The following CEP192 variants were observed in gnomAD, a reference collection of about 807,000 sequenced individuals.
The protein encoded by CEP192 is centrosomal protein 192.
A neutral mutation model predicts 271.8 loss-of-function variants in CEP192; 151 were observed. That is an observed-to-expected ratio of 0.56 (90% CI 0.49 to 0.64). CEP192 has a LOEUF of 0.64. Ranked by LOEUF, CEP192 falls within the 30% of genes least tolerant of loss-of-function variation. The pLI is 0.00. For missense variants in CEP192, 2,910 were observed against 3,020.5 expected (o/e 0.96, Z 0.86); for synonymous variants, 995 against 1,076.5 (o/e 0.92, Z 1.48).
chr18:13,096,249 C>G lies in CEP192; in HGVS notation c.6499C>G (p.Leu2167Val). 1 of 1,614,168 alleles carries G rather than the reference C, an allele frequency of 6.2e-7. No homozygotes were observed. Among genetic ancestry groups the G allele is most frequent in the Non-Finnish European group, 8.5e-7 (1 of 1,179,994 alleles). ...NNSVRLLRFE[L>V]CWPAHCLTVT... ...CTCTGTGAGGTTACTGAGATTTGAGCTGTGCTGGCCAGCGCATTGCCTCAC... is the reference window on the plus strand; with the variant it reads ...CTCTGTGAGGTTACTGAGATTTGAGGTGTGCTGGCCAGCGCATTGCCTCAC... The change falls in exon 36 of 45, where the codon CTG becomes GTG. Residue 2167 changes from leucine to valine, a missense_variant. Coordinates refer to ENST00000506447, the MANE Select transcript of CEP192 (RefSeq NM_032142.4).
rs574312145 is a variant in CEP192 at position 13,114,323 on chromosome 18, C to T, written c.7289+72C>T. 35 of 1,506,452 alleles carry T rather than the reference C, an allele frequency of 2.3e-5. No homozygotes were observed. The African/African-American group carries it at 2.5e-4, about 11-fold the overall frequency. 93.3% of individuals were successfully genotyped at this position (1,506,452 alleles called of 1,614,324 possible). On this transcript the variant is annotated intron_variant, in intron 42 of 44. Transcript: ENST00000506447. The stretch of plus-strand genomic sequence containing the variant: ...TGAGGAATAGAGTCAGTAAAATGCT[C>T]GATGACTTTACCTGAGTTCACATGT...
At chr18:13,034,767 C>T (rs1436887739) in intron 11 of CEP192, among the ~76,000 whole-genome samples, 3 of 148,974 alleles carry the variant, frequency 2.0e-5, no homozygotes, top group Admixed American at 6.8e-5. Flanking sequence ...TGCAGTGAGC[C>T]GAGATTGCAC....
intron 4 of CEP192, among the ~76,000 whole-genome samples, chr18:13,010,493 AT>A (rs2034275732): frequency 6.6e-6 from 1 of 152,220 alleles, no homozygotes; most frequent in Non-Finnish European, 1.5e-5. Flanking sequence ...AAAGAAAAAA[AT>A]AGATGAATTG....
At chr18:12,995,445 C>T (rs1323780266) in intron 1 of CEP192, among the ~76,000 whole-genome samples, 1 of 152,162 alleles carries the variant, frequency 6.6e-6, no homozygotes, top group Non-Finnish European at 1.5e-5. Flanking sequence ...AATGCTGGGG[C>T]ATGATCTGAG....
At chr18:13,037,920 CT>C (rs1304002125) in intron 12 of CEP192, among the ~76,000 whole-genome samples, 2 of 151,902 alleles carry the variant, frequency 1.3e-5, no homozygotes, top group Non-Finnish European at 2.9e-5. Flanking sequence ...TATGAAGATT[CT>C]TATTTATGAC....
chr18:13,100,614 A>G (rs1393236888), intron 38 of CEP192, 102 bp downstream of exon 38: 1 of 885,806 alleles, frequency 1.1e-6, no homozygotes, highest in Non-Finnish European at 1.7e-6. Flanking sequence ...ATTTCCTCCT[A>G]CTTCAGGAGA....
intron 18 of CEP192, 91 bp downstream of exon 18, chr18:13,053,181 A>C (rs2036896528): frequency 9.4e-7 from 1 of 1,062,290 alleles, no homozygotes. Flanking sequence ...TCAAGCCTAT[A>C]TAACTTCAGT....
At chr18:13,005,690 T>C (rs1599041008) in intron 3 of CEP192, among the ~76,000 whole-genome samples, 1 of 152,192 alleles carries the variant, frequency 6.6e-6, no homozygotes, top group African/African-American at 2.4e-5. Context: ...GGTCTGAGTA[T>C]AGGGCTTCCT....
At chr18:13,064,952 T>G (rs1476457759) in intron 21 of CEP192, among the ~76,000 whole-genome samples, 2 of 152,200 alleles carry the variant, frequency 1.3e-5, no homozygotes, top group African/African-American at 4.8e-5. Context: ...TCTTCAATTT[T>G]CTTCATCAGT....
intron 40 of CEP192, among the ~76,000 whole-genome samples, chr18:13,107,444 G>C (rs960224946): frequency 9.9e-5 from 15 of 152,208 alleles, no homozygotes; most frequent in Admixed American, 5.9e-4. Flanking sequence ...GAAAGCACTT[G>C]ATGTCCCTCT....
chr18:13,071,538 T>A (rs966430227), intron 28 of CEP192, among the ~76,000 whole-genome samples: 8 of 152,190 alleles, frequency 5.3e-5, no homozygotes, highest in Admixed American at 3.9e-4. Context: ...ATGCAGTACA[T>A]CCATTCTTCT....
intron 30 of CEP192, among the ~76,000 whole-genome samples, chr18:13,081,780 G>A (rs1212908519): frequency 6.6e-6 from 1 of 152,292 alleles, no homozygotes; most frequent in South Asian, 2.1e-4. Context: ...ATTTAAATGT[G>A]TCCCAGAGAT....
In CEP192 at chr18:13,001,513, G is replaced by T. The variant is rs4499304; in HGVS notation, c.221G>T (p.Gly74Val). The T allele has an allele frequency of 3.9e-6, 6 of 1,550,300 alleles. No individual in the cohort carries two copies. Among genetic ancestry groups the T allele is most frequent in the South Asian group, 3.6e-5 (3 of 83,968 alleles). The change falls in exon 3 of 45, where the codon GGG (glycine) becomes GTG (valine). Residue 74 changes from glycine to valine, a missense_variant. Transcript: ENST00000506447. ...GAAGGGAGATTTTCAGTTCCATCCG[G>T]GTCATCTCCCGGAAGCCAGAGTGAT... ...LVEGRFSVPSGSSPGSQSDAE... is the reference protein window; with the variant it reads ...LVEGRFSVPSVSSPGSQSDAE...
At chr18:13,044,993 T>C (rs1372903907) in intron 15 of CEP192, among the ~76,000 whole-genome samples, 1 of 152,190 alleles carries the variant, frequency 6.6e-6, no homozygotes, top group African/African-American at 2.4e-5. Flanking sequence ...TTTAGTACAT[T>C]GTAATTTAGA....
chr18:13,021,118 T>C (rs767374872), intron 9 of CEP192, among the ~76,000 whole-genome samples: 8 of 152,220 alleles, frequency 5.3e-5, no homozygotes, highest in Non-Finnish European at 1.0e-4. Flanking sequence ...TTTGTTGTTA[T>C]AGCTATGAAA....
intron 17 of CEP192, among the ~76,000 whole-genome samples, chr18:13,050,159 C>T (rs1035878976): frequency 1.3e-5 from 2 of 152,156 alleles, no homozygotes; most frequent in East Asian, 1.9e-4. Flanking sequence ...TCACTTGATA[C>T]TTCTGGTGAA....
At chr18:13,076,647 G>A (rs138281534) in intron 30 of CEP192, among the ~76,000 whole-genome samples, 95 of 152,188 alleles carry the variant, frequency 6.2e-4, no homozygotes, top group African/African-American at 2.2e-3. Flanking sequence ...ATTTAGTTTC[G>A]TTGATAAAAT....
At chr18:13,024,833 G>A (rs1371236970) in intron 9 of CEP192, among the ~76,000 whole-genome samples, 2 of 151,096 alleles carry the variant, frequency 1.3e-5, no homozygotes, top group East Asian at 3.9e-4. Flanking sequence ...GCAGTGGTGC[G>A]ATCTCAGCTA....
At chr18:13,112,555 T>C (rs777870576) in intron 40 of CEP192, among the ~76,000 whole-genome samples, 6 of 152,248 alleles carry the variant, frequency 3.9e-5, no homozygotes, top group Admixed American at 2.0e-4. Flanking sequence ...TGTTGTGTTT[T>C]TGGTATTTGA....
Sources: gnomAD v4.1 joint callset for allele counts (sites outside exome capture counted in the v4.1 genomes callset) on GRCh38, gnomAD v4.1.1 for gene constraint, MANE v1.5 for transcripts, NCBI Gene and HGNC (gene_info 2026-07-23, HGNC 2026-07-21) for gene names.